The following CWC27 variants were observed in gnomAD, a reference collection of about 807,000 sequenced individuals.
CWC27 encodes the protein CWC27 spliceosome associated cyclophilin.
A neutral mutation model predicts 63.6 loss-of-function variants in CWC27; 47 were observed. The observed-to-expected ratio is 0.74, with a 90% CI of 0.58 to 0.94. The LOEUF (loss-of-function observed/expected upper bound fraction) is 0.94, where lower values mean the gene tolerates loss of function less well. Among genes scored for constraint, CWC27 ranks in the 40% least tolerant of loss-of-function variants. CWC27 has a pLI of 0.00. For synonymous variants in CWC27, 175 were observed against 179.8 expected, an observed-to-expected ratio of 0.97 and a Z score of 0.22; for missense variants, 495 against 554.3, an observed-to-expected ratio of 0.89 and a Z score of 1.07.
chr5:64,906,387 T>C (rs1371354418), intron 11 of CWC27, among the ~76,000 whole-genome samples: 2 of 152,228 alleles, frequency 1.3e-5, no homozygotes, highest in South Asian at 2.1e-4. Context: ...TGGTATCTCT[T>C]GGCAGTTTTG....
intron 10 of CWC27, among the ~76,000 whole-genome samples, 195 bp from the exon 11 acceptor site, chr5:64,885,248 T>C (rs1747040110): frequency 6.6e-6 from 1 of 152,148 alleles, no homozygotes; most frequent in Admixed American, 6.5e-5. Context: ...GTATTGTTAT[T>C]ATGAAAAAAT....
intron 11 of CWC27, among the ~76,000 whole-genome samples, chr5:64,902,750 A>G (rs1292200209): frequency 6.6e-6 from 1 of 152,204 alleles, no homozygotes; most frequent in African/African-American, 2.4e-5. Flanking sequence ...TTTCTACGAA[A>G]AAAAAGCCTG....
intron 11 of CWC27, among the ~76,000 whole-genome samples, chr5:64,939,150 C>G (rs554256390): frequency 2.0e-5 from 3 of 152,272 alleles, no homozygotes; most frequent in Admixed American, 1.3e-4. Flanking sequence ...TGTTCCCTTG[C>G]TGGCGAGAAG....
At chr5:64,912,917 C>T (rs557631921) in intron 11 of CWC27, among the ~76,000 whole-genome samples, 14 of 152,150 alleles carry the variant, frequency 9.2e-5, no homozygotes, top group South Asian at 6.2e-4. Flanking sequence ...ATTTGTTATT[C>T]GGTTTATGAA....
chr5:64,777,961 G>A (rs189820797), intron 2 of CWC27, among the ~76,000 whole-genome samples: 84 of 152,012 alleles, frequency 5.5e-4, no homozygotes, highest in South Asian at 1.9e-3. Context: ...TTTATATATA[G>A]TATAATAATT....
At chr5:64,792,585 C>T (rs1439940076) in intron 7 of CWC27, among the ~76,000 whole-genome samples, 2 of 152,064 alleles carry the variant, frequency 1.3e-5, no homozygotes, top group Non-Finnish European at 2.9e-5. Context: ...TGTACATTTG[C>T]CTTTTAAACA....
intron 8 of CWC27, 101 bp from the exon 9 acceptor site, chr5:64,801,201 G>A: frequency 9.5e-7 from 1 of 1,051,944 alleles, no homozygotes; most frequent in East Asian, 3.5e-5. Context: ...TACATTTTTG[G>A]AATGTTATTC....
At chr5:64,937,290 C>G (rs907598282) in intron 11 of CWC27, among the ~76,000 whole-genome samples, 4 of 152,078 alleles carry the variant, frequency 2.6e-5, no homozygotes, top group African/African-American at 9.7e-5. Context: ...GATTCTGGTT[C>G]ATTGTGTCTT....
At chr5:64,889,869 G>A (rs1350795504) in intron 11 of CWC27, among the ~76,000 whole-genome samples, 1 of 152,154 alleles carries the variant, frequency 6.6e-6, no homozygotes, top group Non-Finnish European at 1.5e-5. Context: ...GTTGTTGTGG[G>A]GGGTGGGAGG....
chr5:65,005,376 C>T (rs1218330796), intron 13 of CWC27, among the ~76,000 whole-genome samples: 1 of 152,120 alleles, frequency 6.6e-6, no homozygotes, highest in Non-Finnish European at 1.5e-5. Context: ...TGCACATACA[C>T]CTGTGGCAGT....
intron 11 of CWC27, among the ~76,000 whole-genome samples, chr5:64,922,284 G>C (rs1458357981): frequency 6.6e-6 from 1 of 151,976 alleles, no homozygotes; most frequent in Admixed American, 6.6e-5. Context: ...TTATAGGTTT[G>C]GTGTTTTTAC....
At chr5:64,881,028 T>C (rs1427597111) in intron 10 of CWC27, among the ~76,000 whole-genome samples, 2 of 151,922 alleles carry the variant, frequency 1.3e-5, no homozygotes, top group Non-Finnish European at 2.9e-5. Context: ...CTGATGCCAG[T>C]GGATAGGATG....
intron 10 of CWC27, among the ~76,000 whole-genome samples, chr5:64,870,328 A>G (rs927215521): frequency 2.0e-5 from 3 of 152,138 alleles, no homozygotes; most frequent in African/African-American, 7.2e-5. Context: ...GGTAAAATTT[A>G]TTCTGCAAAA....
At chr5:64,957,443 T>TG (rs1275229733) in intron 11 of CWC27, among the ~76,000 whole-genome samples, 1 of 152,126 alleles carries the variant, frequency 6.6e-6, no homozygotes, top group Non-Finnish European at 1.5e-5. Flanking sequence ...TTGAGGTACC[T>TG]GGGGGGCAAC....
intron 10 of CWC27, among the ~76,000 whole-genome samples, chr5:64,831,360 A>C (rs531393590): frequency 5.6e-4 from 85 of 151,134 alleles, no homozygotes; most frequent in Non-Finnish European, 1.0e-3. Flanking sequence ...ATACACACTC[A>C]CTCACACTTG....
In CWC27 at chr5:64,872,832, C is replaced by T. The variant is rs182408682; in HGVS notation, c.939-12611C>T. Among the ~76,000 whole-genome samples the T allele has an allele frequency of 1.0e-3, 152 of 152,186 alleles. 1 individual carries two copies. Among genetic ancestry groups the T allele is most frequent in the African/African-American group, 3.5e-3 (145 of 41,528 alleles). Reference sequence around the variant, plus strand: ...TTTATTCTGTGTGCTATATTTTAGACGTCTGTCTTCACAACAAAATTTCTC... The same window carrying T: ...TTTATTCTGTGTGCTATATTTTAGATGTCTGTCTTCACAACAAAATTTCTC... On this transcript the variant is annotated intron_variant, in intron 10 of 13. Transcript: ENST00000381070.
In CWC27 at chr5:64,786,438, C is replaced by G. The variant is rs976616737; in HGVS notation, c.496-86C>G. The G allele has an allele frequency of 9.6e-6, 7 of 726,942 alleles. No homozygotes were observed. The African/African-American group carries it at 1.3e-4, about 13-fold the overall frequency. 45.0% of individuals were successfully genotyped at this position (726,942 alleles called of 1,614,324 possible). ...GTTTATGTGGGGAAAAATATAGACA[C>G]TATACCACTGGAATTACATACGGGG... On this transcript the variant is annotated intron_variant, in intron 5 of 13. Coordinates refer to ENST00000381070, the MANE Select transcript of CWC27 (RefSeq NM_005869.4).
At chr5:64,800,081 G>GA in intron 7 of CWC27, among the ~76,000 whole-genome samples, 167 bp from the exon 8 acceptor site, 1 of 152,090 alleles carries the variant, frequency 6.6e-6, no homozygotes, top group Non-Finnish European at 1.5e-5. Flanking sequence ...GTCAATAGAA[G>GA]AGTAAGATTC....
chr5:64,977,090 T>C, intron 12 of CWC27, 45 bp from the exon 13 acceptor site: 10 of 1,143,762 alleles, frequency 8.7e-6, no homozygotes, highest in Non-Finnish European at 1.2e-5. Context: ...TTTAAAATTA[T>C]ATTTATCTTT....
Sources: allele counts gnomAD v4.1 joint callset (sites outside exome capture counted in the v4.1 genomes callset), GRCh38; gene constraint gnomAD v4.1.1; transcripts MANE v1.5; gene names NCBI Gene and HGNC (gene_info 2026-07-23, HGNC 2026-07-21).